Variants in SNAP91 observed in about 807,000 individuals in gnomAD.
SNAP91 encodes the protein synaptosome associated protein 91.
In SNAP91, 27 loss-of-function variants were observed where a neutral mutation model predicts 100.3. The observed-to-expected ratio is 0.27, with a 90% CI of 0.20 to 0.37. SNAP91 has a LOEUF of 0.37. Among genes scored for constraint, SNAP91 ranks in the 10% least tolerant of loss-of-function variants. The pLI is 1.00. For synonymous variants in SNAP91, 404 were observed against 398.6 expected, an observed-to-expected ratio of 1.01 and a Z score of -0.16; for missense variants, 986 against 1,123.7, an observed-to-expected ratio of 0.88 and a Z score of 1.75.
chr6:83,699,271 T>C (rs1468320214), intron 2 of SNAP91, among the ~76,000 whole-genome samples: 1 of 151,974 alleles, frequency 6.6e-6, no homozygotes, highest in Non-Finnish European at 1.5e-5. Context: ...ATATAGAATA[T>C]AAAATTAGTT....
chr6:83,560,799 A>C (rs1376297040), intron 27 of SNAP91, 65 bp downstream of exon 27: 3 of 1,339,774 alleles, frequency 2.2e-6, no homozygotes, highest in Non-Finnish European at 3.2e-6. Context: ...AATACTTAGT[A>C]ATTTGGGATT....
intron 29 of SNAP91, among the ~76,000 whole-genome samples, chr6:83,554,649 G>A (rs1224470967): frequency 6.6e-6 from 1 of 152,094 alleles, no homozygotes; most frequent in Non-Finnish European, 1.5e-5. Context: ...GAAAAAGGGG[G>A]CATGGCAATG....
At chr6:83,622,234 C>A (rs1173834431) in intron 9 of SNAP91, among the ~76,000 whole-genome samples, 2 of 151,980 alleles carry the variant, frequency 1.3e-5, no homozygotes, top group Non-Finnish European at 2.9e-5. Context: ...CCATCATGTT[C>A]TGGATTGCTC....
At chr6:83,658,854 C>G (rs761485923) in intron 6 of SNAP91, 145 bp downstream of exon 6, 10 of 637,068 alleles carry the variant, frequency 1.6e-5, no homozygotes, top group Admixed American at 6.0e-5. Context: ...TAATCTTTAC[C>G]GAGCTTAACA....
intron 26 of SNAP91, among the ~76,000 whole-genome samples, chr6:83,565,857 T>C (rs1795803298): frequency 6.6e-6 from 1 of 152,200 alleles, no homozygotes; most frequent in Admixed American, 6.5e-5. Context: ...TATGTATTGC[T>C]GGTGGCAATG....
chr6:83,681,188 G>A (rs1175804749), intron 2 of SNAP91, among the ~76,000 whole-genome samples: 1 of 152,106 alleles, frequency 6.6e-6, no homozygotes, highest in Non-Finnish European at 1.5e-5. Flanking sequence ...AACACCATCA[G>A]CAATTTTATA....
chr6:83,693,773 G>C (rs2099160646), intron 2 of SNAP91, among the ~76,000 whole-genome samples: 1 of 152,164 alleles, frequency 6.6e-6, no homozygotes, highest in Non-Finnish European at 1.5e-5. Context: ...AGCTTATAAA[G>C]ATAAGGCCAC....
intron 8 of SNAP91, among the ~76,000 whole-genome samples, chr6:83,623,784 T>C (rs1432244161): frequency 6.6e-6 from 1 of 152,162 alleles, no homozygotes; most frequent in Non-Finnish European, 1.5e-5. Context: ...TAGTTTCTTA[T>C]GTATCCTTTC....
At chr6:83,598,691 T>C (rs1664869516) in intron 16 of SNAP91, among the ~76,000 whole-genome samples, 2 of 152,104 alleles carry the variant, frequency 1.3e-5, no homozygotes, top group African/African-American at 2.4e-5. Flanking sequence ...CACTTACCCA[T>C]TGTAGAGAGA....
chr6:83,559,341 G>A (rs962901660), intron 28 of SNAP91, among the ~76,000 whole-genome samples: 6 of 152,150 alleles, frequency 3.9e-5, no homozygotes, highest in African/African-American at 1.4e-4. Context: ...TGAAGCTCAG[G>A]TGAGCTTGCG....
At chr6:83,632,933 A>AT (rs1056705178) in intron 8 of SNAP91, among the ~76,000 whole-genome samples, 16 of 152,094 alleles carry the variant, frequency 1.1e-4, no homozygotes, top group African/African-American at 2.9e-4. Context: ...AGCTAGTGTG[A>AT]TTTTTTTGGA....
intron 2 of SNAP91, among the ~76,000 whole-genome samples, chr6:83,690,789 ATTAC>A (rs2099121076): frequency 1.3e-5 from 2 of 152,110 alleles, no homozygotes; most frequent in African/African-American, 2.4e-5. Flanking sequence ...TCTAAAAATT[ATTAC>A]TTAATTAGTG....
chr6:83,592,554 G>C lies in SNAP91; in HGVS notation c.1847-16C>G. Reference sequence around the variant, plus strand: ...AATGCATCCACTGCAGTGAAGCACAGACAGGAAAAAGTGCATGTCACCCAA... The same window carrying C: ...AATGCATCCACTGCAGTGAAGCACACACAGGAAAAAGTGCATGTCACCCAA... On this transcript the variant is annotated splice_polypyrimidine_tract_variant and intron_variant, in intron 20 of 29. Transcript: ENST00000369694. The C allele has an allele frequency of 6.3e-7, 1 of 1,594,218 alleles. No homozygotes were observed.
intron 22 of SNAP91, among the ~76,000 whole-genome samples, chr6:83,587,209 T>A (rs1450022632): frequency 2.0e-5 from 3 of 152,156 alleles, no homozygotes; most frequent in Non-Finnish European, 4.4e-5. Context: ...AATTATATCA[T>A]ATATTTATTG....
intron 14 of SNAP91, 148 bp downstream of exon 14, chr6:83,605,537 A>G (rs2095557023): frequency 1.9e-6 from 2 of 1,031,268 alleles, no homozygotes; most frequent in Non-Finnish European, 2.8e-6. Flanking sequence ...ATATATTTCA[A>G]TCAATAAATG....
chr6:83,643,461 T>G (rs2097790558), intron 7 of SNAP91, among the ~76,000 whole-genome samples: 1 of 152,172 alleles, frequency 6.6e-6, no homozygotes, highest in Admixed American at 6.6e-5. Context: ...TTTTCCCATT[T>G]CTTGTTTTTG....
At chr6:83,569,951 AT>A (rs1410790132) in intron 26 of SNAP91, among the ~76,000 whole-genome samples, 2 of 152,058 alleles carry the variant, frequency 1.3e-5, no homozygotes, top group Non-Finnish European at 2.9e-5. Flanking sequence ...GTATGTCTTG[AT>A]CAGCAGTGTG....
chr6:83,701,400 C>T (rs993643163), intron 2 of SNAP91, among the ~76,000 whole-genome samples: 2 of 151,776 alleles, frequency 1.3e-5, no homozygotes, highest in African/African-American at 2.4e-5. Context: ...AGGGAGAGAC[C>T]TAGCTTCTCT....
intron 12 of SNAP91, among the ~76,000 whole-genome samples, chr6:83,608,110 A>C (rs1256547641): frequency 1.3e-5 from 2 of 152,160 alleles, no homozygotes; most frequent in Non-Finnish European, 2.9e-5. Flanking sequence ...CTGAACATAA[A>C]ATTATTAGGA....
Sources: gnomAD v4.1 joint callset for allele counts (sites outside exome capture counted in the v4.1 genomes callset) on GRCh38, gnomAD v4.1.1 for gene constraint, MANE v1.5 for transcripts, NCBI Gene and HGNC (gene_info 2026-07-23, HGNC 2026-07-21) for gene names.